Variants in CTNNA3 observed in about 807,000 individuals in gnomAD.
CTNNA3 encodes the protein catenin alpha 3.
In CTNNA3, 76 loss-of-function variants were observed where a neutral mutation model predicts 95.7. The ratio of observed to expected loss-of-function variants is 0.79; its 90% CI spans 0.66 to 0.96. The LOEUF is 0.96. CTNNA3 is among the 40% of genes least tolerant of loss of function. CTNNA3 has a pLI of 0.00. For missense variants in CTNNA3, 1,191 were observed against 1,089.8 expected, an observed-to-expected ratio of 1.09 and a Z score of -1.31; for synonymous variants, 431 against 374.4, an observed-to-expected ratio of 1.15 and a Z score of -1.74.
chr10:67,529,875 G>C (rs947694662), intron 4 of CTNNA3, among the ~76,000 whole-genome samples: 2 of 152,014 alleles, frequency 1.3e-5, no homozygotes, highest in African/African-American at 4.8e-5. Context: ...CAAGTGTCAT[G>C]GGAGGAACCC....
chr10:66,468,030 C>T (rs1838988982), intron 11 of CTNNA3, among the ~76,000 whole-genome samples: 1 of 151,868 alleles, frequency 6.6e-6, no homozygotes, highest in Non-Finnish European at 1.5e-5. Context: ...TGTTACTAGA[C>T]ATTAATCAAC....
chr10:66,354,324 A>C (rs2092592122), intron 12 of CTNNA3, among the ~76,000 whole-genome samples: 1 of 151,424 alleles, frequency 6.6e-6, no homozygotes, highest in Non-Finnish European at 1.5e-5. Context: ...TAAAAAAAAA[A>C]ATAAGAGTCC....
intron 6 of CTNNA3, among the ~76,000 whole-genome samples, chr10:67,191,514 T>C (rs1333657724): frequency 6.6e-6 from 1 of 151,698 alleles, no homozygotes; most frequent in East Asian, 1.9e-4. Flanking sequence ...ATCAAAAATA[T>C]AAACCACTTA....
intron 1 of CTNNA3, among the ~76,000 whole-genome samples, chr10:67,732,642 A>C (rs1414374662): frequency 6.6e-6 from 1 of 152,196 alleles, no homozygotes; most frequent in African/African-American, 2.4e-5. Flanking sequence ...TGAGCCAACA[A>C]CACAAAAATG....
At chr10:66,439,524 A>G (rs1455994815) in intron 11 of CTNNA3, among the ~76,000 whole-genome samples, 1 of 152,174 alleles carries the variant, frequency 6.6e-6, no homozygotes, top group Non-Finnish European at 1.5e-5. Context: ...TTGTGATCTC[A>G]AAGATTCCTT....
At chr10:67,301,005 T>A (rs527469076) in intron 5 of CTNNA3, among the ~76,000 whole-genome samples, 1 of 152,344 alleles carries the variant, frequency 6.6e-6, no homozygotes, top group Non-Finnish European at 1.5e-5. Flanking sequence ...AACATGATGT[T>A]ATGGTATGTT....
intron 5 of CTNNA3, among the ~76,000 whole-genome samples, chr10:67,272,814 T>C (rs1839038874): frequency 6.6e-6 from 1 of 152,138 alleles, no homozygotes; most frequent in African/African-American, 2.4e-5. Flanking sequence ...CTATTATTAC[T>C]CCATGTAGGT....
intron 13 of CTNNA3, among the ~76,000 whole-genome samples, chr10:66,206,161 C>G (rs1320528478): frequency 6.6e-6 from 1 of 151,834 alleles, no homozygotes; most frequent in Admixed American, 6.6e-5. Context: ...GATCACCATA[C>G]TTAGGGAAGA....
chr10:67,716,275 G>C (rs1409940662), intron 1 of CTNNA3, among the ~76,000 whole-genome samples: 4 of 152,130 alleles, frequency 2.6e-5, no homozygotes, highest in Admixed American at 2.0e-4. Flanking sequence ...GGAAAAACTA[G>C]ACCATGATCT....
At chr10:66,727,013 C>G (rs111590063) in intron 9 of CTNNA3, among the ~76,000 whole-genome samples, 4 of 152,120 alleles carry the variant, frequency 2.6e-5, no homozygotes, top group African/African-American at 9.6e-5. Flanking sequence ...TTTAAAAGCA[C>G]CAGCATAATG....
rs1589390188 is a variant in CTNNA3, at chr10:67,526,348, G to GT, written c.460-4388_460-4387insA. Among the ~76,000 whole-genome samples, 12 of 131,472 alleles carry GT rather than the reference G, an allele frequency of 9.1e-5. No homozygotes were observed. In the East Asian group the frequency reaches 2.5e-3, roughly 27 times the overall value. 86.3% of individuals were successfully genotyped at this position (131,472 alleles called of 152,430 possible). A position where few individuals can be genotyped will look rare whatever the true frequency, so the allele number is the denominator to read the frequency against. ...TAAAGCTCACATACATATCTCAAATGATTTTTTTTTTTTTTTTTTTGCTGT... is the reference window on the plus strand; with the variant it reads ...TAAAGCTCACATACATATCTCAAATGTATTTTTTTTTTTTTTTTTTTGCTGT... On this transcript the variant is annotated intron_variant, in intron 4 of 17. Coordinates refer to ENST00000433211, the MANE Select transcript of CTNNA3 (RefSeq NM_013266.4).
chr10:65,980,667 C>G (rs535900816), intron 16 of CTNNA3, among the ~76,000 whole-genome samples: 1 of 151,930 alleles, frequency 6.6e-6, no homozygotes, highest in South Asian at 2.1e-4. Context: ...GGGGTTCATA[C>G]CAGGGATGAA....
intron 15 of CTNNA3, among the ~76,000 whole-genome samples, chr10:66,023,827 T>A (rs1012757479): frequency 7.2e-5 from 11 of 152,182 alleles, no homozygotes; most frequent in African/African-American, 2.7e-4. Context: ...GCTGAATTGC[T>A]AGTGCACTGT....
intron 7 of CTNNA3, among the ~76,000 whole-genome samples, chr10:66,853,639 G>T (rs559960886): frequency 6.6e-6 from 1 of 152,010 alleles, no homozygotes; most frequent in Non-Finnish European, 1.5e-5. Context: ...TAATAAGTAC[G>T]AAGTGGTGAT....
chr10:66,493,651 G>A (rs1339273183), intron 11 of CTNNA3, among the ~76,000 whole-genome samples: 1 of 141,514 alleles, frequency 7.1e-6, no homozygotes, highest in Non-Finnish European at 1.5e-5. Flanking sequence ...GCTCAGGCTG[G>A]ATGGAGTTCA....
intron 13 of CTNNA3, among the ~76,000 whole-genome samples, chr10:66,127,331 G>A (rs1252985650): frequency 1.3e-5 from 2 of 148,214 alleles, no homozygotes; most frequent in African/African-American, 5.0e-5. Context: ...TACAACCTCA[G>A]CCAGGTCATC....
At chr10:67,295,094 T>G (rs980279591) in intron 5 of CTNNA3, among the ~76,000 whole-genome samples, 1 of 152,232 alleles carries the variant, frequency 6.6e-6, no homozygotes, top group East Asian at 1.9e-4. Context: ...TTCAGTAGAA[T>G]GGAATTTCTG....
At chr10:66,234,817 C>T (rs1265607563) in intron 13 of CTNNA3, among the ~76,000 whole-genome samples, 7 of 152,110 alleles carry the variant, frequency 4.6e-5, no homozygotes, top group Admixed American at 4.6e-4. Context: ...CAGAATGAAG[C>T]AAAAGTGAGA....
intron 3 of CTNNA3, among the ~76,000 whole-genome samples, chr10:67,559,285 G>A (rs1376099512): frequency 6.6e-6 from 1 of 152,180 alleles, no homozygotes; most frequent in Non-Finnish European, 1.5e-5. Flanking sequence ...ACCCCTCTGA[G>A]ACAAAACTTC....
Sources: gnomAD v4.1 joint callset for allele counts (sites outside exome capture counted in the v4.1 genomes callset) on GRCh38, gnomAD v4.1.1 for gene constraint, MANE v1.5 for transcripts, NCBI Gene and HGNC (gene_info 2026-07-23, HGNC 2026-07-21) for gene names.